The following SMYD3 variants were observed in gnomAD, a reference collection of about 807,000 sequenced individuals.
The protein encoded by SMYD3 is SET and MYND domain containing 3.
Under a neutral mutation model 57.7 loss-of-function variants are expected in SMYD3, and 36 were observed. That is an observed-to-expected ratio of 0.62 (90% CI 0.48 to 0.82). The LOEUF is 0.82. SMYD3 is among the 40% of genes least tolerant of loss of function. The probability of loss-of-function intolerance (pLI) is 0.00; values close to 1 mark genes in which losing one functional copy is unlikely to be tolerated. For missense variants in SMYD3, 515 were observed against 538.8 expected, an observed-to-expected ratio of 0.96 and a Z score of 0.44; for synonymous variants, 211 against 195.0, an observed-to-expected ratio of 1.08 and a Z score of -0.68.
At chr1:246,377,048 C>T (rs1271137473) in intron 1 of SMYD3, among the ~76,000 whole-genome samples, 2 of 152,008 alleles carry the variant, frequency 1.3e-5, no homozygotes, top group Non-Finnish European at 2.9e-5. Flanking sequence ...TGCAGTAAAC[C>T]GAGATCACAC....
At chr1:245,955,656 A>G (rs1372408922) in intron 5 of SMYD3, among the ~76,000 whole-genome samples, 1 of 152,142 alleles carries the variant, frequency 6.6e-6, no homozygotes, top group East Asian at 1.9e-4. Context: ...ACTGTGCCTA[A>G]GTTATAAATT....
intron 5 of SMYD3, among the ~76,000 whole-genome samples, chr1:246,266,770 C>T (rs1276413639): frequency 1.4e-5 from 2 of 147,738 alleles, no homozygotes; most frequent in Non-Finnish European, 3.0e-5. Flanking sequence ...GCACTCCAGC[C>T]GAAAGAAAGA....
chr1:246,171,482 C>T (rs1389252485), intron 5 of SMYD3, among the ~76,000 whole-genome samples: 1 of 152,094 alleles, frequency 6.6e-6, no homozygotes, highest in East Asian at 1.9e-4. Context: ...AACAGAGACA[C>T]CTGCCAAGAA....
At chr1:245,824,521 A>G (rs894839208) in intron 10 of SMYD3, among the ~76,000 whole-genome samples, 1 of 152,158 alleles carries the variant, frequency 6.6e-6, no homozygotes, top group Non-Finnish European at 1.5e-5. Context: ...GTTCGAGACC[A>G]GCCTGGCCAA....
chr1:246,400,450 G>A (rs1023013643), intron 1 of SMYD3, among the ~76,000 whole-genome samples: 34 of 152,264 alleles, frequency 2.2e-4, no homozygotes, highest in Middle Eastern at 3.4e-3. Context: ...TGCCCAGGCT[G>A]GTCTCAAACT....
intron 5 of SMYD3, among the ~76,000 whole-genome samples, chr1:245,952,145 T>C (rs1353026447): frequency 1.3e-5 from 2 of 152,178 alleles, no homozygotes; most frequent in Non-Finnish European, 2.9e-5. Flanking sequence ...TAAATAAAGA[T>C]GAGTATCTAT....
At chr1:246,120,633 C>T (rs900810844) in intron 5 of SMYD3, among the ~76,000 whole-genome samples, 2 of 152,188 alleles carry the variant, frequency 1.3e-5, no homozygotes, top group African/African-American at 4.8e-5. Flanking sequence ...ATCTTCAGCA[C>T]TTGGCATAAT....
chr1:246,267,061 T>C (rs920938477), intron 5 of SMYD3, among the ~76,000 whole-genome samples: 1 of 152,226 alleles, frequency 6.6e-6, no homozygotes, highest in Non-Finnish European at 1.5e-5. Flanking sequence ...TTACAGAATA[T>C]GTATCTAGTA....
intron 4 of SMYD3, 86 bp from the exon 5 acceptor site, chr1:246,327,423 C>T: frequency 8.8e-7 from 1 of 1,142,300 alleles, no homozygotes; most frequent in Non-Finnish European, 1.2e-6. Flanking sequence ...GCTGTTAAAC[C>T]AGATATTTCC....
intron 5 of SMYD3, among the ~76,000 whole-genome samples, chr1:246,209,676 T>C (rs1240468158): frequency 6.6e-6 from 1 of 152,162 alleles, no homozygotes; most frequent in Non-Finnish European, 1.5e-5. Context: ...TCCGTCTTAG[T>C]GGTTTGTACT....
At chr1:246,409,022 TG>T (rs1331778363) in intron 1 of SMYD3, among the ~76,000 whole-genome samples, 2 of 119,716 alleles carry the variant, frequency 1.7e-5, no homozygotes, top group African/African-American at 5.4e-5. Flanking sequence ...CACTTTTTGA[TG>T]GGTTTTTTTT....
intron 10 of SMYD3, among the ~76,000 whole-genome samples, chr1:245,816,840 C>A (rs1032929092): frequency 1.3e-5 from 2 of 152,130 alleles, no homozygotes; most frequent in African/African-American, 2.4e-5. Flanking sequence ...CTTTTCGGAC[C>A]GGCCTAAAAA....
At chr1:246,129,676 C>G (rs963555247) in intron 5 of SMYD3, among the ~76,000 whole-genome samples, 1 of 152,124 alleles carries the variant, frequency 6.6e-6, no homozygotes, top group African/African-American at 2.4e-5. Flanking sequence ...TAAAAACTCA[C>G]TAGAGGTTAC....
At chr1:246,481,593 C>CATATATATATATATATATATAT (rs1200097586) in intron 1 of SMYD3, among the ~76,000 whole-genome samples, 349 of 27,898 alleles carry the variant, frequency 0.013, 22 homozygotes, top group African/African-American at 0.03. Context: ...TCTCAGGCTC[C>CATATATATATATATATATATAT]ATATATATAT....
intron 5 of SMYD3, among the ~76,000 whole-genome samples, chr1:245,937,279 ATC>A (rs1186679159): frequency 6.6e-6 from 1 of 152,228 alleles, no homozygotes; most frequent in East Asian, 1.9e-4. Flanking sequence ...TTTCTATTTT[ATC>A]TCTCTCCCAC....
intron 8 of SMYD3, among the ~76,000 whole-genome samples, chr1:245,899,514 G>A (rs888372219): frequency 6.6e-6 from 1 of 152,136 alleles, no homozygotes; most frequent in Non-Finnish European, 1.5e-5. Context: ...ATCCAGAGAG[G>A]TTCAATGACT....
intron 5 of SMYD3, among the ~76,000 whole-genome samples, chr1:246,180,925 T>C (rs1223500535): frequency 1.3e-5 from 2 of 151,702 alleles, no homozygotes; most frequent in Non-Finnish European, 2.9e-5. Context: ...CATAAAGAGA[T>C]GTGACGTGCT....
intron 1 of SMYD3, among the ~76,000 whole-genome samples, chr1:246,357,465 G>T (rs1417252022): frequency 6.6e-6 from 1 of 152,166 alleles, no homozygotes; most frequent in African/African-American, 2.4e-5. Context: ...ATATAATCAA[G>T]AAATAACCAT....
At chr1:245,979,088 C>T (rs1206564015) in intron 5 of SMYD3, among the ~76,000 whole-genome samples, 2 of 152,082 alleles carry the variant, frequency 1.3e-5, no homozygotes, top group Non-Finnish European at 2.9e-5. Flanking sequence ...AGAAGAGTCT[C>T]GGCATCTTAA....
Sources: allele counts gnomAD v4.1 joint callset (sites outside exome capture counted in the v4.1 genomes callset), GRCh38; gene constraint gnomAD v4.1.1; transcripts MANE v1.5; gene names NCBI Gene and HGNC (gene_info 2026-07-23, HGNC 2026-07-21).